Variants in THSD4 observed in about 807,000 individuals in gnomAD.
THSD4 encodes thrombospondin type 1 domain containing 4, also known as thrombospondin type-1 domain-containing protein 4.
Under a neutral mutation model 119.0 loss-of-function variants are expected in THSD4, and 69 were observed. The observed-to-expected ratio is 0.58, with a 90% confidence interval of 0.48 to 0.71. The LOEUF (loss-of-function observed/expected upper bound fraction) is 0.71. Ranked by LOEUF, THSD4 falls within the 30% of genes least tolerant of loss-of-function variation. The probability of loss-of-function intolerance (pLI) is 0.00; values close to 1 mark genes in which losing one functional copy is unlikely to be tolerated. For synonymous variants in THSD4, 524 were observed against 540.4 expected, an observed-to-expected ratio of 0.97 and a Z score of 0.42; for missense variants, 1,393 against 1,391.1, an observed-to-expected ratio of 1.00 and a Z score of -0.02.
intron 7 of THSD4, among the ~76,000 whole-genome samples, chr15:71,638,786 G>C (rs1266562844): frequency 6.6e-6 from 1 of 152,168 alleles, no homozygotes; most frequent in Non-Finnish European, 1.5e-5. Context: ...GCACCAATCA[G>C]AATAAGCTAC....
rs57878253 is a variant in THSD4 at position 71,151,379 on chromosome 15, CT to C, written c.30-3471del. On this transcript the variant is annotated intron_variant, in intron 2 of 17. Coordinates refer to ENST00000261862, the MANE Select transcript of THSD4 (RefSeq NM_024817.3). ...GTGTAACATGTTTATGGAGCTGCAG[CT>C]TTTTTTTTTTTTAACAAAACCACAC... 3.9e-3 allele frequency among the ~76,000 whole-genome samples: 569 copies of C among 144,184 alleles called. 1 individual carries two copies. The highest frequency in any genetic ancestry group is 7.3e-3 in the Middle Eastern group (2 of 274). The allele number at this position is 144,184 out of a possible 152,430, so 94.6% of individuals were successfully genotyped here.
At chr15:71,110,055 G>A (rs924720397) in intron 1 of THSD4, among the ~76,000 whole-genome samples, 3 of 152,202 alleles carry the variant, frequency 2.0e-5, no homozygotes, top group African/African-American at 4.8e-5. Context: ...GCAATTTCAA[G>A]CACAATGTAA....
At chr15:71,469,200 A>T (rs1245423066) in intron 7 of THSD4, among the ~76,000 whole-genome samples, 1 of 152,106 alleles carries the variant, frequency 6.6e-6, no homozygotes, top group East Asian at 1.9e-4. Flanking sequence ...TCCAAAGAGA[A>T]TTCTGCTTGA....
intron 8 of THSD4, among the ~76,000 whole-genome samples, chr15:71,707,304 A>T (rs756409408): frequency 1.2e-4 from 18 of 152,242 alleles, no homozygotes; most frequent in Non-Finnish European, 2.5e-4. Context: ...GACAGGGCTG[A>T]CTGAAGATGA....
At chr15:71,597,950 G>A (rs2049936944) in intron 7 of THSD4, among the ~76,000 whole-genome samples, 1 of 152,126 alleles carries the variant, frequency 6.6e-6, no homozygotes, top group South Asian at 2.1e-4. Flanking sequence ...GACATTTAGT[G>A]GGCTCTTACT....
intron 7 of THSD4, among the ~76,000 whole-genome samples, chr15:71,650,784 T>G (rs1302789133): frequency 1.3e-5 from 2 of 152,228 alleles, no homozygotes; most frequent in South Asian, 4.1e-4. Context: ...ATTTTAGGCC[T>G]CAGCCCGCCT....
At chr15:71,299,976 A>AATATATATAT (rs1185451144) in intron 6 of THSD4, among the ~76,000 whole-genome samples, 1 of 48,320 alleles carries the variant, frequency 2.1e-5, no homozygotes, top group African/African-American at 7.7e-5. Context: ...AAAAAAAAAA[A>AATATATATAT]ATATATATAT....
intron 1 of THSD4, among the ~76,000 whole-genome samples, chr15:71,099,053 A>G (rs953553387): frequency 1.1e-4 from 16 of 152,198 alleles, no homozygotes; most frequent in Non-Finnish European, 2.1e-4. Flanking sequence ...GCACTCACCA[A>G]GGTCTCACAG....
chr15:71,255,064 C>T (rs893301996), intron 5 of THSD4, among the ~76,000 whole-genome samples: 1 of 152,192 alleles, frequency 6.6e-6, no homozygotes, highest in African/African-American at 2.4e-5. Flanking sequence ...TTCTTCTGGT[C>T]CCTCATCTTC....
chr15:71,457,106 C>T (rs556721262), intron 7 of THSD4, among the ~76,000 whole-genome samples: 24 of 152,204 alleles, frequency 1.6e-4, no homozygotes, highest in African/African-American at 5.1e-4. Context: ...ATGTGCGAGG[C>T]GCAGTGGCTC....
chr15:71,317,465 G>T (rs887929458), intron 6 of THSD4, among the ~76,000 whole-genome samples: 11 of 152,156 alleles, frequency 7.2e-5, no homozygotes, highest in African/African-American at 2.7e-4. Flanking sequence ...ATGTGCAGGG[G>T]AACTCCCCTT....
At chr15:71,476,201 A>G (rs564900064) in intron 7 of THSD4, among the ~76,000 whole-genome samples, 1 of 152,274 alleles carries the variant, frequency 6.6e-6, no homozygotes, top group Admixed American at 6.5e-5. Flanking sequence ...CCCATCTCCT[A>G]TCTATTCCAA....
chr15:71,406,128 T>A (rs2046602599), intron 6 of THSD4, among the ~76,000 whole-genome samples: 1 of 152,176 alleles, frequency 6.6e-6, no homozygotes, highest in Non-Finnish European at 1.5e-5. Context: ...TTTTCTTGAT[T>A]ATTTAGGAGT....
rs547456656 is a variant in THSD4 at position 71,655,757 on chromosome 15, G to C, written c.1153-4773G>C. Among the ~76,000 whole-genome samples, 56 of 152,308 alleles carry C rather than the reference G, an allele frequency of 3.7e-4. No individual in the cohort carries two copies. In the South Asian group the frequency reaches 0.011, roughly 30 times the overall value. ...CATATTCTCCTGCCCACCCAAAGCA[G>C]TGGTGCCTCGGAAAGAGTCTAGACA... On this transcript the variant is annotated intron_variant, in intron 7 of 17. Transcript: ENST00000261862.
chr15:71,641,250 G>A (rs918603182), intron 7 of THSD4, among the ~76,000 whole-genome samples: 1 of 152,040 alleles, frequency 6.6e-6, no homozygotes, highest in Non-Finnish European at 1.5e-5. Flanking sequence ...CAATCACTAC[G>A]TGGGATCAGT....
At chr15:71,506,653 G>A (rs1051632902) in intron 7 of THSD4, among the ~76,000 whole-genome samples, 2 of 152,186 alleles carry the variant, frequency 1.3e-5, no homozygotes, top group Non-Finnish European at 2.9e-5. Flanking sequence ...TTCAACTTGC[G>A]TAAAGGATCA....
At chr15:71,182,284 A>G (rs983981731) in intron 3 of THSD4, among the ~76,000 whole-genome samples, 1 of 151,806 alleles carries the variant, frequency 6.6e-6, no homozygotes, top group African/African-American at 2.4e-5. Context: ...GACGTTTGTC[A>G]TTCCATTTAT....
chr15:71,210,521 T>C lies in THSD4; in HGVS notation c.100-4514T>C, dbSNP rs950809276. Among the ~76,000 whole-genome samples the C allele has an allele frequency of 5.3e-5, 8 of 152,136 alleles. No homozygotes were observed. In the East Asian group the frequency reaches 1.5e-3, roughly 29 times the overall value. On this transcript the variant is annotated intron_variant, in intron 3 of 17. Transcript: ENST00000261862. The stretch of plus-strand genomic sequence containing the variant: ...ATTCTGCCTTATTTTTCTTGCTGCT[T>C]TGTTTGGTGGGAAAAGATTTTCTAG...
At chr15:71,333,134 C>A in intron 6 of THSD4, among the ~76,000 whole-genome samples, 1 of 151,598 alleles carries the variant, frequency 6.6e-6, no homozygotes, top group Non-Finnish European at 1.5e-5. Context: ...TCCCTTTTTG[C>A]TGCCCACGAG....
Sources: gnomAD v4.1 joint callset for allele counts (sites outside exome capture counted in the v4.1 genomes callset) on GRCh38, gnomAD v4.1.1 for gene constraint, MANE v1.5 for transcripts, NCBI Gene and HGNC (gene_info 2026-07-23, HGNC 2026-07-21) for gene names.